The following ZNF469 variants were observed in gnomAD, a reference collection of about 807,000 sequenced individuals.
ZNF469 encodes zinc finger protein 469.
ZNF469 carries 1 observed loss-of-function variant against 1.0 expected under a neutral mutation model. The ratio of observed to expected loss-of-function variants is 1.00; its 90% CI spans 0.35 to 4.73. The LOEUF (loss-of-function observed/expected upper bound fraction) is 4.73, where lower values mean the gene tolerates loss of function less well. ZNF469 is among the 30% of genes most tolerant of loss of function. The pLI, the probability that ZNF469 is intolerant of heterozygous loss-of-function variation, is 0.16. For synonymous variants in ZNF469, 2,703 were observed against 2,363.4 expected (o/e 1.14, Z -4.17); for missense variants, 6,100 against 5,356.3 (o/e 1.14, Z -4.33).
chr16:88,429,545 A>G lies in ZNF469; in HGVS notation c.2075A>G (p.His692Arg), dbSNP rs1256909713. 6.5e-7 allele frequency: 1 copy of G among 1,544,170 alleles called. No homozygotes were observed. The highest frequency in any genetic ancestry group is 8.7e-7 in the Non-Finnish European group (1 of 1,144,442). The stretch of plus-strand genomic sequence containing the variant: ...TGCCTGGAGGAGACCCCATTCCCCC[A>G]CGAGGGCCCCGAGGTGGGTCGGGGA... ...FQCLEETPFP[H>R]EGPEVGRGGL... Residue 692 changes from histidine to arginine, a missense_variant, in exon 3 of 3, where the codon CAC becomes CGC. By Grantham distance (29) the His-to-Arg change is conservative. Coordinates refer to ENST00000565624, the MANE Select transcript of ZNF469 (RefSeq NM_001367624.2).
chr16:88,420,577 C>T (rs541705859), intron 1 of ZNF469, among the ~76,000 whole-genome samples: 4 of 152,290 alleles, frequency 2.6e-5, no homozygotes, highest in Non-Finnish European at 5.9e-5. Context: ...GGATGTGGAA[C>T]GACAGGCGCC....
the ZNF469 span, among the ~76,000 whole-genome samples, chr16:88,193,153 A>ATGGTGG: frequency 7.6e-5 from 1 of 13,174 alleles, no homozygotes; most frequent in African/African-American, 3.4e-4. Context: ...GGTGGTGGGG[A>ATGGTGG]TGGTGGTGAT....
the ZNF469 span, among the ~76,000 whole-genome samples, chr16:88,353,511 C>T: frequency 3.9e-5 from 6 of 152,198 alleles, no homozygotes; most frequent in African/African-American, 1.2e-4. Context: ...AGGGCCTTTG[C>T]GCACAACGCC....
chr16:88,436,553 G>C lies in ZNF469; in HGVS notation c.9083G>C (p.Cys3028Ser). Residue 3028 changes from cysteine (C) to serine (S), a missense_variant, in exon 3 of 3, where the codon TGT (cysteine) becomes TCT (serine). Transcript: ENST00000565624. ...CCCCCCAGCCTGGAGAGAGAACGCT[G>C]TGACGGTGGGCTTCCCGGGAACACC... ...PEPPSLERER[C>S]DGGLPGNTHL... The C allele has an allele frequency of 6.5e-7, 1 of 1,549,756 alleles. No individual in the cohort carries two copies. Among genetic ancestry groups the C allele is most frequent in the Non-Finnish European group, 8.7e-7 (1 of 1,146,960 alleles).
In ZNF469 at chr16:88,424,353, G is replaced by C. The variant is rs1031424731; in HGVS notation, c.-191-454G>C. On this transcript the variant is annotated intron_variant, in intron 1 of 2. Coordinates refer to ENST00000565624, the MANE Select transcript of ZNF469 (RefSeq NM_001367624.2). This position sits in a 1 kb window ranked among gnomAD's most constrained non-coding sequence, Gnocchi z 4.3. ...AGGAGGAAAGGCAGTGTGTGTTCCTGTGTGCTGGTGTTTGCATCCAGGGAC... is the reference window on the plus strand; with the variant it reads ...AGGAGGAAAGGCAGTGTGTGTTCCTCTGTGCTGGTGTTTGCATCCAGGGAC... 6.6e-6 allele frequency among the ~76,000 whole-genome samples: 1 copy of C among 152,218 alleles called. No homozygotes were observed.
the ZNF469 span, among the ~76,000 whole-genome samples, chr16:88,125,090 C>T: frequency 6.6e-6 from 1 of 152,074 alleles, no homozygotes; most frequent in Admixed American, 6.5e-5. Flanking sequence ...CATATTTTTC[C>T]ATATGAATTT....
chr16:88,123,672 T>A, the ZNF469 span, among the ~76,000 whole-genome samples: 2 of 152,222 alleles, frequency 1.3e-5, no homozygotes, highest in African/African-American at 4.8e-5. Flanking sequence ...CCAGTAGATG[T>A]AGGGATGGGT....
the ZNF469 span, among the ~76,000 whole-genome samples, chr16:88,140,684 C>T: frequency 1.3e-5 from 2 of 152,328 alleles, no homozygotes; most frequent in African/African-American, 4.8e-5. Flanking sequence ...GTAATCCCAG[C>T]ACTTTGGGAA....
At chr16:88,342,481 G>A in the ZNF469 span, among the ~76,000 whole-genome samples, 7 of 152,164 alleles carry the variant, frequency 4.6e-5, no homozygotes, top group Admixed American at 3.3e-4. Flanking sequence ...GAGGATGATC[G>A]GGGAAAGCTG....
At chr16:88,405,023 C>G (rs1253695770) in intron 1 of ZNF469, among the ~76,000 whole-genome samples, 1 of 152,176 alleles carries the variant, frequency 6.6e-6, no homozygotes, top group Non-Finnish European at 1.5e-5. Context: ...TCCAGTCTAA[C>G]AGGGCGGGGA....
the ZNF469 span, among the ~76,000 whole-genome samples, chr16:88,366,521 T>A: frequency 1.4e-5 from 2 of 147,598 alleles, no homozygotes; most frequent in Non-Finnish European, 3.0e-5. Context: ...ATCATCATTA[T>A]CACCATCATC....
the ZNF469 span, among the ~76,000 whole-genome samples, chr16:88,202,072 C>T: frequency 2.0e-5 from 3 of 152,286 alleles, no homozygotes; most frequent in East Asian, 3.9e-4. Context: ...AGCCATGTTT[C>T]CACAGCCACC....
chr16:88,146,208 T>TGACTA, the ZNF469 span, among the ~76,000 whole-genome samples: 1 of 152,164 alleles, frequency 6.6e-6, no homozygotes, highest in African/African-American at 2.4e-5. Context: ...CGGGCCCAGG[T>TGACTA]GACTAGACTC....
chr16:88,439,185 C>G lies in ZNF469; in HGVS notation c.11715C>G (p.Pro3905=), dbSNP rs969384437. The G allele has an allele frequency of 6.4e-7, 1 of 1,550,444 alleles. No individual in the cohort carries two copies. Among genetic ancestry groups the G allele is most frequent in the Non-Finnish European group, 8.7e-7 (1 of 1,146,970 alleles). Residue 3905 remains proline, a synonymous_variant, in exon 3 of 3, where the codon CCC becomes CCG. Transcript: ENST00000565624. ...AGGGGAGACCCCTGCTCAGGCCCCCCAAGAGGGGCACAGCTGTCCACGGTG... is the reference window on the plus strand; with the variant it reads ...AGGGGAGACCCCTGCTCAGGCCCCCGAAGAGGGGCACAGCTGTCCACGGTG... The part of the protein sequence containing the change: ...FPQGRPLLRP[P]KRGTAVHGAE...
At chr16:88,189,224 C>T in the ZNF469 span, among the ~76,000 whole-genome samples, 5 of 152,194 alleles carry the variant, frequency 3.3e-5, no homozygotes, top group Non-Finnish European at 5.9e-5. The surrounding 1 kb of genome is among the most constrained non-coding windows in gnomAD (Gnocchi z 4.3). Flanking sequence ...ATCGTAACAA[C>T]CCAAATGCAT....
the ZNF469 span, among the ~76,000 whole-genome samples, chr16:88,364,304 CT>C: frequency 6.6e-6 from 1 of 152,090 alleles, no homozygotes; most frequent in African/African-American, 2.4e-5. Flanking sequence ...AACTCCAAAT[CT>C]TGTTACTTTG....
intron 1 of ZNF469, among the ~76,000 whole-genome samples, chr16:88,384,477 C>T (rs1238445119): frequency 6.6e-6 from 1 of 152,196 alleles, no homozygotes; most frequent in Admixed American, 6.5e-5. Flanking sequence ...GGCGGAGCTG[C>T]AGTTTTAGGA....
the ZNF469 span, among the ~76,000 whole-genome samples, chr16:88,285,336 C>T: frequency 7.0e-3 from 1,072 of 152,376 alleles, 12 homozygotes; most frequent in Non-Finnish European, 0.012. Context: ...CACTGCTGAG[C>T]GGTCTCTAAC....
At chr16:88,204,399 G>A in the ZNF469 span, among the ~76,000 whole-genome samples, 7 of 152,356 alleles carry the variant, frequency 4.6e-5, no homozygotes, top group East Asian at 1.2e-3. Flanking sequence ...GTGGGATTGT[G>A]ACACCCGTGG....
Sources: gnomAD v4.1 joint callset for allele counts (sites outside exome capture counted in the v4.1 genomes callset) on GRCh38, gnomAD v4.1.1 for gene constraint, Gnocchi (gnomAD v3.1) non-coding constraint, MANE v1.5 for transcripts, NCBI Gene and HGNC (gene_info 2026-07-23, HGNC 2026-07-21) for gene names.